Variants in BRD3 observed in about 807,000 individuals in gnomAD.
The protein encoded by BRD3 is bromodomain-containing protein 3.
In BRD3, 17 loss-of-function variants were observed where a neutral mutation model predicts 66.8. The ratio of observed to expected loss-of-function variants is 0.25; its 90% CI spans 0.17 to 0.38. The LOEUF (loss-of-function observed/expected upper bound fraction) is 0.38, where lower values mean the gene tolerates loss of function less well. Among genes scored for constraint, BRD3 ranks in the 10% least tolerant of loss-of-function variants. The pLI, the probability that BRD3 is intolerant of heterozygous loss-of-function variation, is 1.00. For synonymous variants in BRD3, 421 were observed against 393.2 expected, an observed-to-expected ratio of 1.07 and a Z score of -0.84; for missense variants, 713 against 956.1, an observed-to-expected ratio of 0.75 and a Z score of 3.35.
chr9:134,060,444 A>G (rs1454402722), intron 1 of BRD3, among the ~76,000 whole-genome samples: 1 of 152,128 alleles, frequency 6.6e-6, no homozygotes, highest in Non-Finnish European at 1.5e-5. Context: ...ATTTAAAAAA[A>G]TTAGCCAGGC....
rs943662436 is a variant in BRD3 at position 134,032,274 on chromosome 9, T to C, written c.*1316A>G. 4.6e-6 allele frequency: 1 copy of C among 218,294 alleles called. No individual in the cohort carries two copies. Among genetic ancestry groups the C allele is most frequent in the African/African-American group, 2.3e-5 (1 of 44,402 alleles). The allele number at this position is 218,294 out of a possible 1,614,324, so 13.5% of individuals were successfully genotyped here. ...TTAGATTTACTATACATTTTTTCTCTCAGATTACAAAGTTTATATTATATA... is the reference window on the plus strand; with the variant it reads ...TTAGATTTACTATACATTTTTTCTCCCAGATTACAAAGTTTATATTATATA... On this transcript the variant is annotated 3_prime_UTR_variant, in exon 12 of 12. Coordinates refer to ENST00000303407, the MANE Select transcript of BRD3 (RefSeq NM_007371.4).
At chr9:134,036,914 G>A (rs1412474644) in intron 9 of BRD3, among the ~76,000 whole-genome samples, 1 of 152,124 alleles carries the variant, frequency 6.6e-6, no homozygotes, top group Non-Finnish European at 1.5e-5. Context: ...GGGAGGCTGA[G>A]GCAGGAGAAT....
chr9:134,056,746 A>C (rs12348062), intron 1 of BRD3: 5,250 of 152,432 alleles, frequency 0.034, 316 homozygotes, highest in African/African-American at 0.12. Flanking sequence ...TCCCTGTGGG[A>C]GAATGTGCAG....
In BRD3 at chr9:134,048,339, G is replaced by T; in HGVS notation, c.830C>A (p.Ala277Asp). 1 of 1,599,282 alleles carries T rather than the reference G, an allele frequency of 6.3e-7. No individual in the cohort carries two copies. Among genetic ancestry groups the T allele is most frequent in the Non-Finnish European group, 8.5e-7 (1 of 1,179,620 alleles). The change falls in exon 6 of 12, where the codon GCC becomes GAC. Residue 277 changes from alanine to aspartate, a missense_variant. Physicochemically the swap from Ala to Asp is moderately radical, Grantham distance 126. Transcript: ENST00000303407. ...LSDPKQAKVV[A>D]RRESGGRPIK... The stretch of plus-strand genomic sequence containing the variant: ...GGGGCGGCCACCACTCTCCCGCCGG[G>T]CCACCACTTTGGCCTGCTTGGGGTC...
intron 1 of BRD3, 85 bp downstream of exon 1, chr9:134,067,860 G>A (rs1046720235): frequency 1.0e-3 from 144 of 144,618 alleles, no homozygotes; most frequent in Middle Eastern, 3.7e-3. Context: ...GGCGCTCGGG[G>A]CCGCGCTCCC....
At chr9:134,038,330 G>A (rs1386628180) in intron 9 of BRD3, among the ~76,000 whole-genome samples, 2 of 151,942 alleles carry the variant, frequency 1.3e-5, no homozygotes, top group African/African-American at 4.8e-5. Flanking sequence ...AATTTTTTCT[G>A]TTCTTAGTAG....
chr9:134,064,169 G>A (rs1830599395), intron 1 of BRD3, among the ~76,000 whole-genome samples: 1 of 152,172 alleles, frequency 6.6e-6, no homozygotes, highest in Non-Finnish European at 1.5e-5. Flanking sequence ...TCAATCAGGA[G>A]TGGCCAGAAG....
chr9:134,055,136 C>A (rs934220375), intron 1 of BRD3, among the ~76,000 whole-genome samples: 36 of 152,308 alleles, frequency 2.4e-4, no homozygotes, highest in African/African-American at 8.2e-4. Flanking sequence ...CGTGGCAGCA[C>A]TGCCCCTCGC....
rs1054461600 is a variant in BRD3 at position 134,032,507 on chromosome 9, C to T, written c.*1083G>A. The T allele has an allele frequency of 1.3e-5, 3 of 229,968 alleles. No individual in the cohort carries two copies. Among genetic ancestry groups the T allele is most frequent in the African/African-American group, 2.2e-5 (1 of 44,884 alleles). 14.2% of individuals were successfully genotyped at this position (229,968 alleles called of 1,614,324 possible). On this transcript the variant is annotated 3_prime_UTR_variant, in exon 12 of 12. Coordinates refer to ENST00000303407, the MANE Select transcript of BRD3 (RefSeq NM_007371.4). ...AACCCAACAAACCCAGGGGCGAGCGCGCGAACAGACGTGGGTGAGCACCGC... is the reference window on the plus strand; with the variant it reads ...AACCCAACAAACCCAGGGGCGAGCGTGCGAACAGACGTGGGTGAGCACCGC...
rs970750314 is a variant in BRD3 at position 134,035,929 on chromosome 9, C to T, written c.1936+103G>A. 2.3e-5 allele frequency: 33 copies of T among 1,451,746 alleles called. No individual in the cohort carries two copies. In the East Asian group the frequency reaches 7.3e-4, roughly 32 times the overall value. The allele number at this position is 1,451,746 out of a possible 1,614,324, so 89.9% of individuals were successfully genotyped here. ...AAGGAGCCAAGACAGCGTGGCAGCC[C>T]TGTGCCCAAGCTCGCCGCACAGGGT... On this transcript the variant is annotated intron_variant, in intron 10 of 11. Coordinates refer to ENST00000303407, the MANE Select transcript of BRD3 (RefSeq NM_007371.4).
chr9:134,044,407 A>C (rs1040124675), intron 7 of BRD3, among the ~76,000 whole-genome samples: 1 of 152,180 alleles, frequency 6.6e-6, no homozygotes, highest in Non-Finnish European at 1.5e-5. Flanking sequence ...GGGGATTTCA[A>C]AACAGTCTAT....
Position 134,036,157 on chromosome 9 carries a change from G to A in BRD3, c.1811C>T (p.Pro604Leu). The change falls in exon 10 of 12, where the codon CCC becomes CTC. Residue 604 changes from proline to leucine, a missense_variant. Physicochemically the swap from Pro to Leu is moderately conservative, Grantham distance 98. Transcript: ENST00000303407. Reference protein sequence around the residue: ...RVVHIIQSREPSLRDSNPDEI... With the variant: ...RVVHIIQSRELSLRDSNPDEI... Reference sequence around the variant, plus strand: ...GTCGGGGTTGGAGTCCCTGAGCGAGGGCTCCCGAGATTGGATGATGTGCAC... The same window carrying A: ...GTCGGGGTTGGAGTCCCTGAGCGAGAGCTCCCGAGATTGGATGATGTGCAC... 3.7e-6 allele frequency: 6 copies of A among 1,614,242 alleles called. No individual in the cohort carries two copies. Among genetic ancestry groups the A allele is most frequent in the Non-Finnish European group, 5.1e-6 (6 of 1,180,044 alleles).
At position 134,032,790 on chromosome 9, in the gene BRD3, A is replaced by G. The variant is rs554487206; in HGVS notation, c.*800T>C. On this transcript the variant is annotated 3_prime_UTR_variant, in exon 12 of 12. Coordinates refer to ENST00000303407, the MANE Select transcript of BRD3 (RefSeq NM_007371.4). Reference sequence around the variant, plus strand: ...CAGCGCTAGCCAGGCGGGGACTCACAGCGGGCTGGACTTCCGTAGAAAATT... The same window carrying G: ...CAGCGCTAGCCAGGCGGGGACTCACGGCGGGCTGGACTTCCGTAGAAAATT... The G allele has an allele frequency of 1.4e-3, 358 of 249,458 alleles. No homozygotes were observed. Among genetic ancestry groups the G allele is most frequent in the Non-Finnish European group, 2.5e-3 (320 of 130,222 alleles). 15.5% of individuals were successfully genotyped at this position (249,458 alleles called of 1,614,324 possible). A position where few individuals can be genotyped will look rare whatever the true frequency, so the allele number is the denominator to read the frequency against.
At chr9:134,067,491 A>T (rs1333326131) in intron 1 of BRD3, among the ~76,000 whole-genome samples, 2 of 147,820 alleles carry the variant, frequency 1.4e-5, no homozygotes, top group African/African-American at 4.9e-5. Flanking sequence ...CGCCGCGCGC[A>T]CCTTCCCCCT....
intron 9 of BRD3, chr9:134,036,737 G>A (rs1322352302): frequency 7.8e-5 from 60 of 771,748 alleles, no homozygotes; most frequent in South Asian, 6.5e-4. Flanking sequence ...GGCCGGGCGC[G>A]GTGGCTCACG....
At chr9:134,036,884 A>G (rs1461478899) in intron 9 of BRD3, among the ~76,000 whole-genome samples, 5 of 151,948 alleles carry the variant, frequency 3.3e-5, no homozygotes, top group Admixed American at 2.6e-4. Flanking sequence ...GGTGGCGGGC[A>G]CCTGTAGTCC....
intron 5 of BRD3, among the ~76,000 whole-genome samples, chr9:134,049,908 C>G (rs1830253937): frequency 6.6e-6 from 1 of 152,192 alleles, no homozygotes; most frequent in Non-Finnish European, 1.5e-5. Flanking sequence ...GAGAAAAGCT[C>G]CCAGCCAAGT....
chr9:134,043,151 T>G (rs1373555442), intron 7 of BRD3, among the ~76,000 whole-genome samples: 3 of 152,216 alleles, frequency 2.0e-5, no homozygotes, highest in Admixed American at 6.5e-5. Context: ...CTTTATTTTT[T>G]GTAGGGACAG....
At chr9:134,039,304 G>A (rs952615759) in intron 9 of BRD3, among the ~76,000 whole-genome samples, 3 of 152,240 alleles carry the variant, frequency 2.0e-5, no homozygotes, top group African/African-American at 7.2e-5. Context: ...CTCAAACAAA[G>A]CCGGCTGATC....
Sources: gnomAD v4.1 joint callset for allele counts (sites outside exome capture counted in the v4.1 genomes callset) on GRCh38, gnomAD v4.1.1 for gene constraint, MANE v1.5 for transcripts, NCBI Gene and HGNC (gene_info 2026-07-23, HGNC 2026-07-21) for gene names.